GALNTL6: variants seen among roughly 807,000 people sequenced by gnomAD.
The protein encoded by GALNTL6 is polypeptide N-acetylgalactosaminyltransferase-like 6.
In GALNTL6, 46 loss-of-function variants were observed where a neutral mutation model predicts 73.7. The ratio of observed to expected loss-of-function variants is 0.62; its 90% confidence interval spans 0.49 to 0.80. The LOEUF (loss-of-function observed/expected upper bound fraction) is 0.80, where lower values mean the gene tolerates loss of function less well. Among genes scored for constraint, GALNTL6 ranks in the 30% least tolerant of loss-of-function variants. GALNTL6 has a pLI of 0.00. For synonymous variants in GALNTL6, 259 were observed against 263.7 expected (o/e 0.98, Z 0.17); for missense variants, 604 against 755.0 (o/e 0.80, Z 2.34).
At chr4:172,712,847 T>C (rs1734796012) in intron 5 of GALNTL6, among the ~76,000 whole-genome samples, 1 of 152,158 alleles carries the variant, frequency 6.6e-6, no homozygotes, top group Non-Finnish European at 1.5e-5. Flanking sequence ...CACTGACATA[T>C]AAAGTTGAGA....
intron 5 of GALNTL6, among the ~76,000 whole-genome samples, chr4:172,674,920 C>T (rs1005421217): frequency 3.9e-5 from 6 of 152,154 alleles, no homozygotes; most frequent in South Asian, 4.1e-4. Flanking sequence ...TTTCAACATA[C>T]TCCTATAGCT....
chr4:172,734,523 C>T (rs530275970), intron 5 of GALNTL6, among the ~76,000 whole-genome samples: 1 of 152,300 alleles, frequency 6.6e-6, no homozygotes, highest in South Asian at 2.1e-4. Flanking sequence ...GTCATTAAAC[C>T]TCAAAGCTCC....
chr4:172,262,205 A>G (rs1222799775), intron 3 of GALNTL6, among the ~76,000 whole-genome samples: 1 of 151,228 alleles, frequency 6.6e-6, no homozygotes, highest in African/African-American at 2.4e-5. Context: ...TTCTGTTTTG[A>G]TTACCTGTCT....
intron 2 of GALNTL6, among the ~76,000 whole-genome samples, chr4:172,226,557 C>CTGTGTG (rs34352455): frequency 9.6e-5 from 14 of 146,494 alleles, no homozygotes; most frequent in African/African-American, 3.3e-4. Flanking sequence ...GAAAGAAGTT[C>CTGTGTG]TGTGTGTGTG....
intron 12 of GALNTL6, among the ~76,000 whole-genome samples, chr4:173,027,688 A>G (rs1392568201): frequency 6.6e-6 from 1 of 152,372 alleles, no homozygotes; most frequent in East Asian, 1.9e-4. Context: ...CTTTTATAGG[A>G]TATCTAATCA....
intron 10 of GALNTL6, among the ~76,000 whole-genome samples, chr4:172,992,434 C>T: frequency 6.6e-6 from 1 of 152,076 alleles, no homozygotes; most frequent in East Asian, 1.9e-4. Context: ...TTAAAACTGT[C>T]TTTATTTTTC....
At chr4:172,149,178 A>C (rs1417616083) in intron 2 of GALNTL6, among the ~76,000 whole-genome samples, 1 of 152,234 alleles carries the variant, frequency 6.6e-6, no homozygotes, top group Non-Finnish European at 1.5e-5. Context: ...ACATAAGAAA[A>C]ATACATACAC....
At chr4:171,999,087 G>A (rs929324739) in intron 2 of GALNTL6, among the ~76,000 whole-genome samples, 2 of 152,104 alleles carry the variant, frequency 1.3e-5, no homozygotes, top group African/African-American at 4.8e-5. Context: ...TTTGACTAAG[G>A]TCACTTTTCC....
chr4:172,097,768 CTTGG>C (rs1732396592), intron 2 of GALNTL6, among the ~76,000 whole-genome samples: 1 of 152,166 alleles, frequency 6.6e-6, no homozygotes, highest in Admixed American at 6.5e-5. Context: ...CTACTGTTAA[CTTGG>C]TTTGCTCTAT....
chr4:172,495,817 T>G (rs955484985), intron 5 of GALNTL6, among the ~76,000 whole-genome samples: 1 of 152,138 alleles, frequency 6.6e-6, no homozygotes, highest in Admixed American at 6.5e-5. Flanking sequence ...AAACCACATT[T>G]TGAGTAGCAA....
At chr4:172,263,211 GT>G (rs893319745) in intron 3 of GALNTL6, among the ~76,000 whole-genome samples, 1 of 151,396 alleles carries the variant, frequency 6.6e-6, no homozygotes, top group African/African-American at 2.4e-5. Flanking sequence ...CCTCAAATAA[GT>G]TTTACAAACT....
chr4:172,023,026 C>T (rs1193671072), intron 2 of GALNTL6, among the ~76,000 whole-genome samples: 3 of 151,856 alleles, frequency 2.0e-5, no homozygotes, highest in African/African-American at 7.2e-5. Context: ...TTTCTTCTAC[C>T]AAATGCAAGA....
At chr4:172,480,291 C>T (rs1733398720) in intron 5 of GALNTL6, among the ~76,000 whole-genome samples, 1 of 151,264 alleles carries the variant, frequency 6.6e-6, no homozygotes, top group South Asian at 2.1e-4. Flanking sequence ...CCAGCCTAGG[C>T]AACAGGGCGA....
At chr4:172,606,495 A>G (rs1018816233) in intron 5 of GALNTL6, among the ~76,000 whole-genome samples, 2 of 146,642 alleles carry the variant, frequency 1.4e-5, no homozygotes, top group African/African-American at 2.5e-5. Context: ...AAAATAGCTA[A>G]TAAGAGTACA....
chr4:171,966,266 G>C (rs1404867590), intron 2 of GALNTL6, among the ~76,000 whole-genome samples: 2 of 152,188 alleles, frequency 1.3e-5, no homozygotes, highest in Admixed American at 1.3e-4. Context: ...CTAAGACCTA[G>C]TTCTTAATGT....
At chr4:172,120,005 A>G (rs1733102084) in intron 2 of GALNTL6, among the ~76,000 whole-genome samples, 1 of 152,180 alleles carries the variant, frequency 6.6e-6, no homozygotes, top group Non-Finnish European at 1.5e-5. Flanking sequence ...AATTGAGCAG[A>G]CTAATATATG....
intron 5 of GALNTL6, among the ~76,000 whole-genome samples, chr4:172,471,532 T>C (rs938433604): frequency 2.6e-5 from 4 of 152,216 alleles, no homozygotes; most frequent in African/African-American, 9.6e-5. Context: ...CTTCTGTATT[T>C]AGCCAAATTT....
Position 171,906,661 on chromosome 4 carries a change from C to T in GALNTL6, c.138+91943C>T, listed in dbSNP as rs1460974152. 4.6e-5 allele frequency among the ~76,000 whole-genome samples: 7 copies of T among 152,088 alleles called. No homozygotes were observed. The East Asian group carries it at 9.6e-4, about 21-fold the overall frequency. Reference sequence around the variant, plus strand: ...TCATTTTATGAGGCCAGCATCATCCCAATACCAAAGCCTGGCAGAGACACA... The same window carrying T: ...TCATTTTATGAGGCCAGCATCATCCTAATACCAAAGCCTGGCAGAGACACA... On this transcript the variant is annotated intron_variant, in intron 2 of 12. Transcript: ENST00000506823.
chr4:172,371,812 T>C (rs945195581), intron 5 of GALNTL6, among the ~76,000 whole-genome samples: 1 of 152,170 alleles, frequency 6.6e-6, no homozygotes, highest in African/African-American at 2.4e-5. Context: ...TCCCCTCTCC[T>C]TCCTCTTTTT....
Sources: allele counts gnomAD v4.1 joint callset (sites outside exome capture counted in the v4.1 genomes callset), GRCh38; gene constraint gnomAD v4.1.1; transcripts MANE v1.5; gene names NCBI Gene and HGNC (gene_info 2026-07-23, HGNC 2026-07-21).